The following SIL1 variants were observed in gnomAD, a reference collection of about 807,000 sequenced individuals.
SIL1 encodes SIL1 nucleotide exchange factor.
A neutral mutation model predicts 49.1 loss-of-function variants in SIL1; 40 were observed. The ratio of observed to expected loss-of-function variants is 0.81; its 90% CI spans 0.63 to 1.06. The LOEUF (loss-of-function observed/expected upper bound fraction) is 1.06. SIL1 is among the 50% of genes least tolerant of loss of function. SIL1 has a pLI of 0.00. For synonymous variants in SIL1, 253 were observed against 250.8 expected (o/e 1.01, Z -0.08); for missense variants, 500 against 572.6 (o/e 0.87, Z 1.29).
intron 7 of SIL1, among the ~76,000 whole-genome samples, chr5:138,960,413 CTTTT>C (rs150578906): frequency 3.2e-5 from 4 of 124,260 alleles, no homozygotes; most frequent in Admixed American, 8.1e-5. Flanking sequence ...AAATCTACGT[CTTTT>C]TTTTTTTTTT....
At chr5:139,043,991 G>C (rs1448317272) in intron 4 of SIL1, among the ~76,000 whole-genome samples, 1 of 152,166 alleles carries the variant, frequency 6.6e-6, no homozygotes, top group Non-Finnish European at 1.5e-5. Flanking sequence ...CATAGTCTGA[G>C]ATTCCAGCAG....
intron 1 of SIL1, among the ~76,000 whole-genome samples, chr5:139,172,607 G>A (rs536074656): frequency 7.3e-5 from 11 of 151,110 alleles, no homozygotes; most frequent in Non-Finnish European, 1.5e-4. Context: ...CACTCCGGCC[G>A]GGGAATAGCG....
chr5:138,962,107 GTTTC>G (rs1257613746), intron 7 of SIL1, among the ~76,000 whole-genome samples: 4 of 151,280 alleles, frequency 2.6e-5, no homozygotes, highest in Non-Finnish European at 5.9e-5. Flanking sequence ...GAATTTATTG[GTTTC>G]TTTTTTTTTT....
chr5:139,152,259 T>C (rs1196463462), intron 1 of SIL1, among the ~76,000 whole-genome samples: 2 of 152,184 alleles, frequency 1.3e-5, no homozygotes, highest in African/African-American at 4.8e-5. Flanking sequence ...TAATGCAACG[T>C]CAAAGTATCC....
chr5:139,145,629 CGTGTGTGTGTGTGTGTGTGTGTGT>C (rs57675583), intron 1 of SIL1, among the ~76,000 whole-genome samples: 6,137 of 142,724 alleles, frequency 0.043, 387 homozygotes, highest in African/African-American at 0.14. Flanking sequence ...GGTGTGGGGG[CGTGTGTGTGTGTGTGTGTGTGTGT>C]GTGTGTGTGT....
chr5:139,144,936 G>A (rs1751164813), intron 1 of SIL1, among the ~76,000 whole-genome samples: 1 of 152,026 alleles, frequency 6.6e-6, no homozygotes, highest in African/African-American at 2.4e-5. Context: ...CATGACCTTG[G>A]ATTCGGCAAT....
At chr5:138,989,645 C>T (rs1005172999) in intron 7 of SIL1, among the ~76,000 whole-genome samples, 2 of 152,120 alleles carry the variant, frequency 1.3e-5, no homozygotes, top group Admixed American at 1.3e-4. Context: ...ATGTAGGACA[C>T]CTTTTGCCCT....
chr5:139,046,191 G>A (rs1253452224), intron 4 of SIL1, among the ~76,000 whole-genome samples: 2 of 152,208 alleles, frequency 1.3e-5, no homozygotes, highest in Admixed American at 1.3e-4. Context: ...GCTGGGTGTG[G>A]TGGCAGGCAC....
intron 5 of SIL1, among the ~76,000 whole-genome samples, chr5:139,028,050 C>T (rs1443715541): frequency 6.6e-6 from 1 of 152,170 alleles, no homozygotes; most frequent in African/African-American, 2.4e-5. Flanking sequence ...AGCTAGAGGT[C>T]TCTGGATGGC....
intron 3 of SIL1, among the ~76,000 whole-genome samples, chr5:139,053,886 A>T (rs2150456779): frequency 6.6e-6 from 1 of 152,352 alleles, no homozygotes; most frequent in Admixed American, 6.5e-5. Flanking sequence ...ACAATCAGTA[A>T]TTACACATTA....
intron 7 of SIL1, among the ~76,000 whole-genome samples, chr5:138,959,359 T>C (rs757324585): frequency 6.6e-6 from 1 of 152,194 alleles, no homozygotes; most frequent in Non-Finnish European, 1.5e-5. Context: ...TCTCTGGTAA[T>C]TGGCAGCCCA....
At chr5:139,099,046 A>C (rs1463749301) in intron 3 of SIL1, among the ~76,000 whole-genome samples, 1 of 151,570 alleles carries the variant, frequency 6.6e-6, no homozygotes, top group African/African-American at 2.4e-5. Flanking sequence ...CAAACTCCCA[A>C]CCTCAAGTGA....
chr5:138,989,558 AG>A (rs1465822183), intron 7 of SIL1, among the ~76,000 whole-genome samples: 1 of 152,156 alleles, frequency 6.6e-6, no homozygotes, highest in Non-Finnish European at 1.5e-5. Context: ...AAAGAGAGGA[AG>A]GAAGACAGGA....
chr5:139,105,677 G>A (rs956003536), intron 3 of SIL1, among the ~76,000 whole-genome samples: 6 of 152,228 alleles, frequency 3.9e-5, no homozygotes, highest in Non-Finnish European at 7.3e-5. Flanking sequence ...CTGCTCAGAG[G>A]CAGGCTGTGA....
intron 7 of SIL1, among the ~76,000 whole-genome samples, chr5:138,966,681 A>C (rs1767151161): frequency 1.3e-5 from 2 of 152,078 alleles, no homozygotes; most frequent in African/African-American, 4.8e-5. Flanking sequence ...TCTGGAGGCC[A>C]CCATTTAATA....
chr5:139,163,871 G>C (rs189580030), intron 1 of SIL1, among the ~76,000 whole-genome samples: 1 of 152,144 alleles, frequency 6.6e-6, no homozygotes, highest in East Asian at 1.9e-4. Flanking sequence ...TATAATTCCA[G>C]CACTTTGGGA....
intron 3 of SIL1, among the ~76,000 whole-genome samples, chr5:139,054,420 A>T (rs1379467346): frequency 1.3e-5 from 2 of 152,154 alleles, no homozygotes; most frequent in African/African-American, 4.8e-5. Flanking sequence ...TAAATTAAAA[A>T]AATAATAATT....
At chr5:139,180,244 A>T (rs1014065855) in intron 1 of SIL1, among the ~76,000 whole-genome samples, 3 of 151,470 alleles carry the variant, frequency 2.0e-5, no homozygotes, top group African/African-American at 7.3e-5. Flanking sequence ...AGCCAGGCAT[A>T]GTGGTGTGCA....
At chr5:139,113,141 C>T (rs1201530800) in intron 3 of SIL1, among the ~76,000 whole-genome samples, 1 of 151,802 alleles carries the variant, frequency 6.6e-6, no homozygotes, top group African/African-American at 2.4e-5. Flanking sequence ...TCTCAAGTAC[C>T]CAGGGACACA....
Sources: gnomAD v4.1 joint callset for allele counts (sites outside exome capture counted in the v4.1 genomes callset) on GRCh38, gnomAD v4.1.1 for gene constraint, MANE v1.5 for transcripts, NCBI Gene and HGNC (gene_info 2026-07-23, HGNC 2026-07-21) for gene names.